The following SLITRK3 variants were observed in gnomAD, a reference collection of about 807,000 sequenced individuals.
SLITRK3 encodes SLIT and NTRK-like protein 3.
In SLITRK3, 16 loss-of-function variants were observed where a neutral mutation model predicts 63.6. The observed-to-expected ratio is 0.25, with a 90% CI of 0.17 to 0.38. The LOEUF (loss-of-function observed/expected upper bound fraction) is 0.38, where lower values mean the gene tolerates loss of function less well. Ranked by LOEUF, SLITRK3 falls within the 10% of genes least tolerant of loss-of-function variation. The pLI, the probability that SLITRK3 is intolerant of heterozygous loss-of-function variation, is 1.00. For synonymous variants in SLITRK3, 547 were observed against 451.6 expected, an observed-to-expected ratio of 1.21 and a Z score of -2.68; for missense variants, 1,117 against 1,181.4, an observed-to-expected ratio of 0.95 and a Z score of 0.80.
chr3:165,189,827 G>A lies in SLITRK3; in HGVS notation c.1004C>T (p.Pro335Leu), dbSNP rs376938534. 2.1e-4 allele frequency: 347 copies of A among 1,613,986 alleles called. No individual in the cohort carries two copies. Among genetic ancestry groups the A allele is most frequent in the Non-Finnish European group, 2.8e-4 (325 of 1,180,048 alleles). ...CCTTGGTGTTCGAGGCTGTTTGGTGGGCTTAGGCTGTTTATTTGAGGACTT... is the reference window on the plus strand; with the variant it reads ...CCTTGGTGTTCGAGGCTGTTTGGTGAGCTTAGGCTGTTTATTTGAGGACTT... ...EYKSSNKQPK[P>L]TKQPRTPRPP... The change falls in exon 2 of 2, where the codon CCC (proline) becomes CTC (leucine). Residue 335 changes from proline (P) to leucine (L), a missense_variant. By Grantham distance (98) the Pro-to-Leu change is moderately conservative. Coordinates refer to ENST00000475390, the MANE Select transcript of SLITRK3 (RefSeq NM_001318810.2). This position sits in a 1 kb window ranked among gnomAD's most constrained non-coding sequence, Gnocchi z 4.0.
chr3:165,188,480 G>T lies in SLITRK3; in HGVS notation c.2351C>A (p.Pro784Gln), dbSNP rs752776768. 1.9e-5 allele frequency: 30 copies of T among 1,613,858 alleles called. No homozygotes were observed. The highest frequency in any genetic ancestry group is 4.2e-6 in the Non-Finnish European group (5 of 1,179,982). The change falls in exon 2 of 2, where the codon CCA becomes CAA. Residue 784 changes from proline to glutamine, a missense_variant. Around this residue, in one of 4 missense-constraint regions of SLITRK3, gnomAD observed 499 missense variants for 463.6 expected, o/e 1.08. Transcript: ENST00000475390. The stretch of plus-strand genomic sequence containing the variant: ...TAGGAGAGCCTCACCCATTCCCGGT[G>T]GTTGTGTCCCTGGACCCCCACGTTC... ...SAERGGPGTQ[P>Q]PGMGEALLGS...
Position 165,189,742 on chromosome 3 carries a change from A to G in SLITRK3, c.1089T>C (p.Tyr363=). Reference sequence around the variant, plus strand: ...TAATGGGGATTGGTGGTCTGGTCTGATAAGGAGCAATGGGAGGCTGGTTTG... The same window carrying G: ...TAATGGGGATTGGTGGTCTGGTCTGGTAAGGAGCAATGGGAGGCTGGTTTG... ...PGPNQPPIAP[Y]QTRPPIPIIC... is the part of the protein sequence containing the mutation. Residue 363 remains tyrosine (Y), a synonymous_variant, in exon 2 of 2, where the codon TAT becomes TAC. Coordinates refer to ENST00000475390, the MANE Select transcript of SLITRK3 (RefSeq NM_001318810.2). The surrounding 1 kb of genome is among the most constrained non-coding windows in gnomAD (Gnocchi z 4.0). The G allele has an allele frequency of 1.9e-6, 3 of 1,614,156 alleles. No homozygotes were observed. Among genetic ancestry groups the G allele is most frequent in the Non-Finnish European group, 2.5e-6 (3 of 1,180,032 alleles).
intron 1 of SLITRK3, among the ~76,000 whole-genome samples, chr3:165,193,310 T>TTTC (rs1382975764): frequency 4.0e-4 from 46 of 114,408 alleles, no homozygotes; most frequent in African/African-American, 1.4e-3. Context: ...TCTTTCTTTC[T>TTTC]TTTTTTTTAA....
intron 1 of SLITRK3, among the ~76,000 whole-genome samples, chr3:165,193,417 T>C (rs1718311620): frequency 6.6e-6 from 1 of 151,920 alleles, no homozygotes; most frequent in Admixed American, 6.6e-5. Flanking sequence ...CTATCCTTCG[T>C]AAGTATCATT....
chr3:165,195,217 T>C (rs528757771), intron 1 of SLITRK3, among the ~76,000 whole-genome samples: 6 of 152,312 alleles, frequency 3.9e-5, no homozygotes, highest in African/African-American at 1.2e-4. Flanking sequence ...AAACGCACAA[T>C]GGTCTGTTTA....
chr3:165,196,945 T>TCTCTCGCTCTCTCTCTCGCTCTCG (rs1576974706), upstream of SLITRK3: 1 of 133,672 alleles, frequency 7.5e-6, no homozygotes, highest in East Asian at 2.4e-4. Flanking sequence ...TGTCTCTCTC[T>TCTCTCGCTCTCTCTCTCGCTCTCG]CTCTCGCTCT....
chr3:165,190,895 T>G, intron 1 of SLITRK3, 44 bp from the exon 2 acceptor site: 3 of 1,406,756 alleles, frequency 2.1e-6, no homozygotes, highest in East Asian at 2.4e-5. Context: ...TTTAGTCATA[T>G]GTACTATTTT....
intron 1 of SLITRK3, among the ~76,000 whole-genome samples, chr3:165,193,370 G>T (rs1388190294): frequency 6.6e-6 from 1 of 151,538 alleles, no homozygotes; most frequent in South Asian, 2.1e-4. Flanking sequence ...AGTTTCCAAA[G>T]CTCATCTCTC....
At position 165,190,462 on chromosome 3, in the gene SLITRK3, A is replaced by G; in HGVS notation, c.369T>C (p.Gly123=). ...GATATAGTCTCTTTAAAATCTTAAG[A>G]CCATTGAAAGCTCCAGTCTGAATGT... ...LQDIQTGAFN[G]LKILKRLYLH... is the part of the protein sequence containing the mutation. Residue 123 remains glycine (G), a synonymous_variant, in exon 2 of 2, where the codon GGT becomes GGC. Coordinates refer to ENST00000475390, the MANE Select transcript of SLITRK3 (RefSeq NM_001318810.2). 2 of 1,613,856 alleles carry G rather than the reference A, an allele frequency of 1.2e-6. No homozygotes were observed. The highest frequency in any genetic ancestry group is 1.7e-6 in the Non-Finnish European group (2 of 1,179,984).
Position 165,188,242 on chromosome 3 carries a change from A to G in SLITRK3, c.2589T>C (p.His863=). 1.2e-6 allele frequency: 2 copies of G among 1,609,032 alleles called. No homozygotes were observed. The highest frequency in any genetic ancestry group is 1.7e-4 in the Middle Eastern group (1 of 6,054). ...TGGDLAGFRH[H]EKNGGVVLFP... ...ACAGCACCACCCCACCATTTTTCTC[A>G]TGGTGGCGGAACCCTGCCAAGTCTC... Residue 863 remains histidine (H), a synonymous_variant, in exon 2 of 2, where the codon CAT becomes CAC. Coordinates refer to ENST00000475390, the MANE Select transcript of SLITRK3 (RefSeq NM_001318810.2).
rs753692830 is a variant in SLITRK3, at chr3:165,188,897, G to T, written c.1934C>A (p.Ser645Tyr). 1.2e-6 allele frequency: 2 copies of T among 1,614,148 alleles called. No homozygotes were observed. The highest frequency in any genetic ancestry group is 1.7e-6 in the Non-Finnish European group (2 of 1,180,018). The stretch of plus-strand genomic sequence containing the variant: ...AAGTGGCACAGGGCCCCCAGGAGGA[G>T]AAAACTCATAAGGTGATGCACTGGT... ...APTSASPYEF[S>Y]PPGGPVPLSV... is the part of the protein sequence containing the mutation. The change falls in exon 2 of 2, where the codon TCT becomes TAT. Residue 645 changes from serine to tyrosine, a missense_variant. Around this residue, in one of 4 missense-constraint regions of SLITRK3, gnomAD observed 499 missense variants for 463.6 expected, o/e 1.08. Coordinates refer to ENST00000475390, the MANE Select transcript of SLITRK3 (RefSeq NM_001318810.2).
At position 165,187,472 on chromosome 3, in the gene SLITRK3, C is replaced by T. The variant is rs1448221581; in HGVS notation, c.*425G>A. ...GAAAGCCACAAATGACAAATGTCAA[C>T]TTGTTTCCCCCCCTTTAAATCAAAA... On this transcript the variant is annotated 3_prime_UTR_variant, in exon 2 of 2. Transcript: ENST00000475390. 5 of 150,316 alleles carry T rather than the reference C, an allele frequency of 3.3e-5. No individual in the cohort carries two copies. The highest frequency in any genetic ancestry group is 7.5e-5 in the African/African-American group (3 of 40,132). 9.3% of individuals were successfully genotyped at this position (150,316 alleles called of 1,614,324 possible). A position where few individuals can be genotyped will look rare whatever the true frequency, so the allele number is the denominator to read the frequency against.
intron 1 of SLITRK3, among the ~76,000 whole-genome samples, chr3:165,194,836 G>C (rs1398790410): frequency 1.3e-5 from 2 of 152,150 alleles, no homozygotes; most frequent in Non-Finnish European, 2.9e-5. Flanking sequence ...TGTCCTAAAG[G>C]CTATCTCACC....
rs1263474301 is a variant in SLITRK3, at chr3:165,189,157, G to A, written c.1674C>T (p.Asp558=). The A allele has an allele frequency of 5.0e-6, 8 of 1,614,056 alleles. No individual in the cohort carries two copies. Among genetic ancestry groups the A allele is most frequent in the Non-Finnish European group, 6.8e-6 (8 of 1,180,036 alleles). ...LEHLNAIVQI[D]LNENPWDCTC... ...TGCAGTCCCAAGGATTCTCATTGAG[G>A]TCTATCTGGACAATGGCATTCAAGT... The change falls in exon 2 of 2, where the codon GAC becomes GAT. Residue 558 remains aspartate, a synonymous_variant. Coordinates refer to ENST00000475390, the MANE Select transcript of SLITRK3 (RefSeq NM_001318810.2). The surrounding 1 kb of genome is among the most constrained non-coding windows in gnomAD (Gnocchi z 4.0).
At position 165,188,067 on chromosome 3, in the gene SLITRK3, A is replaced by G; in HGVS notation, c.2764T>C (p.Tyr922His). Residue 922 changes from tyrosine (Y) to histidine (H), a missense_variant, in exon 2 of 2, where the codon TAC becomes CAC. Transcript: ENST00000475390. ...ELHVHPPGMQ[Y>H]PDLQQDARLK... ...CTGGCATCCTGCTGTAAGTCTGGGT[A>G]TTGCATGCCAGGAGGGTGCACGTGC... 6.2e-7 allele frequency: 1 copy of G among 1,613,574 alleles called. No individual in the cohort carries two copies. Among genetic ancestry groups the G allele is most frequent in the Non-Finnish European group, 8.5e-7 (1 of 1,179,924 alleles).
chr3:165,196,951 G>GCTCTCTCTCTCGCTCTCGCTCTCGCT (rs1718461677), upstream of SLITRK3: 3 of 48,582 alleles, frequency 6.2e-5, no homozygotes, highest in Non-Finnish European at 1.3e-4. Flanking sequence ...TCTCTCTCTC[G>GCTCTCTCTCTCGCTCTCGCTCTCGCT]CTCTCTCTCT....
chr3:165,195,678 T>A lies in SLITRK3; in HGVS notation c.-120A>T, dbSNP rs914431383. 3.3e-5 allele frequency: 5 copies of A among 152,742 alleles called. No individual in the cohort carries two copies. Among genetic ancestry groups the A allele is most frequent in the Middle Eastern group, 3.1e-3 (1 of 318 alleles). The allele number at this position is 152,742 out of a possible 1,614,324, so 9.5% of individuals were successfully genotyped here. On this transcript the variant is annotated 5_prime_UTR_variant, in exon 1 of 2. Transcript: ENST00000475390. ...CGAAGCTGAATTGTATCCATCATAC[T>A]GTAGCCTTGTAGCTTCTCCTCTTCT...
At position 165,188,296 on chromosome 3, in the gene SLITRK3, C is replaced by T. The variant is rs776330532; in HGVS notation, c.2535G>A (p.Gly845=). The change falls in exon 2 of 2, where the codon GGG becomes GGA. Residue 845 remains glycine, a synonymous_variant. Coordinates refer to ENST00000475390, the MANE Select transcript of SLITRK3 (RefSeq NM_001318810.2). ...CAGTTCCCCCAACTACTCCTGAAAC[C>T]CCACCAACTGCTGGGTGGTGAGGGT... is the stretch of plus-strand genomic sequence containing the variant. The part of the protein sequence containing the change: ...HHHPHHPAVG[G]VSGVVGGTGG... The T allele has an allele frequency of 1.2e-6, 2 of 1,613,846 alleles. No homozygotes were observed. The highest frequency in any genetic ancestry group is 2.7e-5 in the African/African-American group (2 of 74,866).
chr3:165,191,522 C>T (rs1416546638), intron 1 of SLITRK3, among the ~76,000 whole-genome samples: 1 of 152,078 alleles, frequency 6.6e-6, no homozygotes, highest in Non-Finnish European at 1.5e-5. Context: ...CATCTTCTTG[C>T]CCAATAATAC....
Sources: allele counts gnomAD v4.1 joint callset (sites outside exome capture counted in the v4.1 genomes callset), GRCh38; gene constraint gnomAD v4.1.1; regional missense constraint gnomAD v4.1.1; non-coding constraint Gnocchi (gnomAD v3.1); transcripts MANE v1.5; gene names NCBI Gene and HGNC (gene_info 2026-07-23, HGNC 2026-07-21).